The following CDH10 variants were observed in gnomAD, a reference collection of about 807,000 sequenced individuals.
CDH10 encodes cadherin 10, also known as cadherin-10.
Under a neutral mutation model 73.1 loss-of-function variants are expected in CDH10, and 30 were observed. The observed-to-expected ratio is 0.41, with a 90% CI of 0.31 to 0.56. The LOEUF (loss-of-function observed/expected upper bound fraction) is 0.56, where lower values mean the gene tolerates loss of function less well. Among genes scored for constraint, CDH10 ranks in the 20% least tolerant of loss-of-function variants. The probability of loss-of-function intolerance (pLI) is 0.27; values close to 1 mark genes in which losing one functional copy is unlikely to be tolerated. For synonymous variants in CDH10, 345 were observed against 348.2 expected (o/e 0.99, Z 0.10); for missense variants, 815 against 973.7 (o/e 0.84, Z 2.17).
intron 1 of CDH10, among the ~76,000 whole-genome samples, chr5:24,616,392 C>CTGAAT (rs1326557309): frequency 6.6e-6 from 1 of 151,920 alleles, no homozygotes; most frequent in Non-Finnish European, 1.5e-5. Flanking sequence ...GGAAAGAACA[C>CTGAAT]TGAATATAGA....
At chr5:24,619,402 C>T (rs2112164050) in intron 1 of CDH10, among the ~76,000 whole-genome samples, 1 of 152,166 alleles carries the variant, frequency 6.6e-6, no homozygotes, top group South Asian at 2.1e-4. Context: ...ACCGTGTTAG[C>T]CAGGATGGTC....
intron 2 of CDH10, among the ~76,000 whole-genome samples, chr5:24,541,216 C>A (rs1261023958): frequency 6.6e-6 from 1 of 151,960 alleles, no homozygotes; most frequent in Non-Finnish European, 1.5e-5. Context: ...CAGAAACAGA[C>A]CAAAGGACAA....
intron 5 of CDH10, among the ~76,000 whole-genome samples, chr5:24,533,180 A>T (rs1345772144): frequency 6.6e-6 from 1 of 151,966 alleles, no homozygotes; most frequent in Non-Finnish European, 1.5e-5. Context: ...TACAAAAATT[A>T]TTTGGGCATG....
At chr5:24,578,523 C>T in intron 2 of CDH10, 1 of 320,216 alleles carries the variant, frequency 3.1e-6, no homozygotes, top group Non-Finnish European at 6.3e-6. Flanking sequence ...ATACTCTGAT[C>T]CATTAGAACT....
intron 5 of CDH10, among the ~76,000 whole-genome samples, chr5:24,513,319 C>A (rs1742989875): frequency 6.6e-6 from 1 of 151,968 alleles, no homozygotes; most frequent in African/African-American, 2.4e-5. Flanking sequence ...GTGCCCGGCC[C>A]CTATATCACT....
At chr5:24,516,043 A>G (rs948191658) in intron 5 of CDH10, among the ~76,000 whole-genome samples, 1 of 152,152 alleles carries the variant, frequency 6.6e-6, no homozygotes, top group Non-Finnish European at 1.5e-5. Flanking sequence ...AGTCTTGGGT[A>G]TGTCTTTATT....
At chr5:24,618,994 T>C (rs1397629079) in intron 1 of CDH10, among the ~76,000 whole-genome samples, 2 of 152,326 alleles carry the variant, frequency 1.3e-5, no homozygotes, top group Non-Finnish European at 2.9e-5. Flanking sequence ...TATACTAAAG[T>C]AGTCAATCAT....
chr5:24,588,632 G>A (rs529338534), intron 2 of CDH10, among the ~76,000 whole-genome samples: 1 of 152,262 alleles, frequency 6.6e-6, no homozygotes, highest in African/African-American at 2.4e-5. Context: ...GTGGCCAGTT[G>A]ACATGACTGT....
intron 5 of CDH10, among the ~76,000 whole-genome samples, chr5:24,523,376 G>A (rs1019212724): frequency 1.3e-5 from 2 of 151,926 alleles, no homozygotes; most frequent in Admixed American, 6.6e-5. Flanking sequence ...ATACATACAT[G>A]CATTTAATAC....
intron 8 of CDH10, among the ~76,000 whole-genome samples, chr5:24,503,690 C>T (rs1178747424): frequency 1.3e-5 from 2 of 152,244 alleles, no homozygotes; most frequent in Admixed American, 1.3e-4. Context: ...TTTCAAATCT[C>T]AGTTGTGCTA....
Position 24,509,240 on chromosome 5 carries a change from C to CTTTTTTTT in CDH10, c.1256+318_1256+325dup, listed in dbSNP as rs35903930. On this transcript the variant is annotated intron_variant, in intron 7 of 11. Transcript: ENST00000264463. ...AAACAACATTTTGTTCTCCTTTTTC[C>CTTTTTTTT]TTTTTTTTTTTTTTTTTTGAGACAG... 6.4e-4 allele frequency among the ~76,000 whole-genome samples: 55 copies of CTTTTTTTT among 85,334 alleles called. 6 individuals are homozygous for CTTTTTTTT. The highest frequency in any genetic ancestry group is 1.9e-3 in the African/African-American group (39 of 20,490). 56.0% of individuals were successfully genotyped at this position (85,334 alleles called of 152,430 possible). A position where few individuals can be genotyped will look rare whatever the true frequency, so the allele number is the denominator to read the frequency against.
intron 9 of CDH10, among the ~76,000 whole-genome samples, chr5:24,495,684 T>TA (rs202148141): frequency 0.034 from 5,104 of 151,782 alleles, 132 homozygotes; most frequent in Non-Finnish European, 0.051. Flanking sequence ...CTGCCTCTAC[T>TA]AAAATACAAA....
At chr5:24,626,042 C>T (rs1161243920) in intron 1 of CDH10, among the ~76,000 whole-genome samples, 1 of 151,938 alleles carries the variant, frequency 6.6e-6, no homozygotes, top group African/African-American at 2.4e-5. Flanking sequence ...AGCCTAAAAG[C>T]TTATCATATA....
chr5:24,523,944 T>C (rs1435986663), intron 5 of CDH10, among the ~76,000 whole-genome samples: 1 of 152,122 alleles, frequency 6.6e-6, no homozygotes, highest in Non-Finnish European at 1.5e-5. Context: ...CCACAGTAAT[T>C]TGTCTGAAGA....
At chr5:24,555,144 C>G (rs1243666530) in intron 2 of CDH10, among the ~76,000 whole-genome samples, 2 of 152,074 alleles carry the variant, frequency 1.3e-5, no homozygotes, top group Non-Finnish European at 2.9e-5. Context: ...GTTCTTTACT[C>G]TTCTCTGACT....
intron 5 of CDH10, among the ~76,000 whole-genome samples, chr5:24,521,308 G>A (rs138316767): frequency 6.6e-6 from 1 of 152,304 alleles, no homozygotes; most frequent in African/African-American, 2.4e-5. Context: ...ACTCTGAGAG[G>A]CCGAGGTGGG....
chr5:24,623,511 C>A (rs1747388128), intron 1 of CDH10, among the ~76,000 whole-genome samples: 2 of 152,110 alleles, frequency 1.3e-5, no homozygotes, highest in East Asian at 3.9e-4. Flanking sequence ...CAGAGAAATT[C>A]TCTCTTTTCA....
At position 24,487,256 on chromosome 5, in the gene CDH10, T is replaced by C. The variant is rs958084269; in HGVS notation, c.*407A>G. On this transcript the variant is annotated 3_prime_UTR_variant, in exon 12 of 12. Transcript: ENST00000264463. ...CATCACATGTACATTTTTGTTTTTT[T>C]AATTTAATGTACAGAACAGGATATA... The C allele has an allele frequency of 6.4e-6, 1 of 157,120 alleles. No individual in the cohort carries two copies. Among genetic ancestry groups the C allele is most frequent in the Admixed American group, 6.2e-5 (1 of 16,022 alleles). The allele number at this position is 157,120 out of a possible 1,614,324, so 9.7% of individuals were successfully genotyped here.
intron 2 of CDH10, among the ~76,000 whole-genome samples, chr5:24,554,649 T>C (rs537003387): frequency 4.5e-4 from 69 of 152,310 alleles, no homozygotes; most frequent in Non-Finnish European, 5.9e-4. Flanking sequence ...TCTTCTAGTA[T>C]CCAATATTGC....
Sources: allele counts gnomAD v4.1 joint callset (sites outside exome capture counted in the v4.1 genomes callset), GRCh38; gene constraint gnomAD v4.1.1; transcripts MANE v1.5; gene names NCBI Gene and HGNC (gene_info 2026-07-23, HGNC 2026-07-21).